The following UMODL1 variants were observed in gnomAD, a reference collection of about 807,000 sequenced individuals.
The protein encoded by UMODL1 is uromodulin-like 1.
A neutral mutation model predicts 136.3 loss-of-function variants in UMODL1; 128 were observed. The observed-to-expected ratio is 0.94, with a 90% confidence interval of 0.81 to 1.09. UMODL1 has a LOEUF of 1.09. Among genes scored for constraint, UMODL1 ranks in the 50% least tolerant of loss-of-function variants. The pLI, the probability that UMODL1 is intolerant of heterozygous loss-of-function variation, is 0.00. For synonymous variants in UMODL1, 721 were observed against 720.0 expected (o/e 1.00, Z -0.02); for missense variants, 1,766 against 1,725.6 (o/e 1.02, Z -0.41).
chr21:42,107,652 G>A (rs1054032389), intron 9 of UMODL1, among the ~76,000 whole-genome samples: 1 of 152,166 alleles, frequency 6.6e-6, no homozygotes, highest in African/African-American at 2.4e-5. Flanking sequence ...TCTGACACAC[G>A]CCCCCAGGAG....
chr21:42,119,389 C>T (rs2066941293), intron 15 of UMODL1, 65 bp downstream of exon 15: 1 of 1,474,580 alleles, frequency 6.8e-7, no homozygotes, highest in Non-Finnish European at 9.4e-7. Flanking sequence ...AGGGCAGCCA[C>T]CACCCTTCGC....
rs746876255 is a variant in UMODL1, at chr21:42,123,728, ATGTGCATG to A, written c.3147+592_3147+599del. Among the ~76,000 whole-genome samples, 27 of 151,238 alleles carry A rather than the reference ATGTGCATG, an allele frequency of 1.8e-4. No individual in the cohort carries two copies. Among genetic ancestry groups the A allele is most frequent in the East Asian group, 5.8e-4 (3 of 5,140 alleles). On this transcript the variant is annotated intron_variant, in intron 17 of 22. Coordinates refer to ENST00000408910, the MANE Select transcript of UMODL1 (RefSeq NM_001004416.3). This position sits in a 1 kb window ranked among gnomAD's most constrained non-coding sequence, Gnocchi z 4.4. The stretch of plus-strand genomic sequence containing the variant: ...AGTGTGTGAATGTGAGAATGTGTCT[ATGTGCATG>A]TGTGCATGTGTGCGTGAGTTGAGCA...
intron 6 of UMODL1, among the ~76,000 whole-genome samples, chr21:42,091,917 A>G (rs900821113): frequency 2.6e-5 from 4 of 152,142 alleles, no homozygotes; most frequent in Non-Finnish European, 5.9e-5. Flanking sequence ...TGGCCAGAGA[A>G]CCCCAACAGT....
chr21:42,118,549 C>T (rs1224590517), intron 14 of UMODL1, among the ~76,000 whole-genome samples: 1 of 152,150 alleles, frequency 6.6e-6, no homozygotes, highest in Non-Finnish European at 1.5e-5. Flanking sequence ...GAAAGCAGGG[C>T]GTTCGGGGGC....
chr21:42,070,277 A>G (rs1391402169), upstream of UMODL1, among the ~76,000 whole-genome samples: 1 of 152,262 alleles, frequency 6.6e-6, no homozygotes, highest in Non-Finnish European at 1.5e-5. Flanking sequence ...TAAAATCAAC[A>G]AGATCTTCTT....
Position 42,126,371 on chromosome 21 carries a change from C to A in UMODL1, c.3174C>A (p.Thr1058=). 2 of 1,614,168 alleles carry A rather than the reference C, an allele frequency of 1.2e-6. No homozygotes were observed. The highest frequency in any genetic ancestry group is 1.7e-6 in the Non-Finnish European group (2 of 1,180,030). Residue 1058 remains threonine (T), a synonymous_variant, in exon 18 of 23, where the codon ACC becomes ACA. Coordinates refer to ENST00000408910, the MANE Select transcript of UMODL1 (RefSeq NM_001004416.3). ...QSNMTNTVVR[T]TLRNDLSQEG... The stretch of plus-strand genomic sequence containing the variant: ...ACATGACGAACACCGTGGTGAGGAC[C>A]ACGCTGAGGAACGACCTGTCCCAGG...
At chr21:42,105,266 G>A (rs558546140) in intron 9 of UMODL1, among the ~76,000 whole-genome samples, 1 of 152,302 alleles carries the variant, frequency 6.6e-6, no homozygotes, top group Non-Finnish European at 1.5e-5. Flanking sequence ...CACAGGGTAT[G>A]CCCCCAGCAG....
At chr21:42,092,712 G>A (rs1005522305) in intron 6 of UMODL1, among the ~76,000 whole-genome samples, 9 of 152,234 alleles carry the variant, frequency 5.9e-5, no homozygotes, top group African/African-American at 1.9e-4. Context: ...TCAACATTGA[G>A]GACCATCCCT....
Position 42,099,201 on chromosome 21 carries a change from C to T in UMODL1, c.1186+21C>T. 4 of 1,604,568 alleles carry T rather than the reference C, an allele frequency of 2.5e-6. No homozygotes were observed. Among genetic ancestry groups the T allele is most frequent in the South Asian group, 1.1e-5 (1 of 90,744 alleles). ...AACCAGTAAGGCCCCCAGTCAGAGACCCACGTTAGCTTGCGAGCTTGTCTT... is the reference window on the plus strand; with the variant it reads ...AACCAGTAAGGCCCCCAGTCAGAGATCCACGTTAGCTTGCGAGCTTGTCTT... On this transcript the variant is annotated intron_variant, in intron 7 of 22. Coordinates refer to ENST00000408910, the MANE Select transcript of UMODL1 (RefSeq NM_001004416.3). This position sits in a 1 kb window ranked among gnomAD's most constrained non-coding sequence, Gnocchi z 4.1.
intron 21 of UMODL1, among the ~76,000 whole-genome samples, chr21:42,133,850 C>A (rs113371436): frequency 0.062 from 9,444 of 152,282 alleles, 411 homozygotes; most frequent in Middle Eastern, 0.1. Flanking sequence ...TAAGGCCATG[C>A]CCCACAGTAC....
rs558537929 is a variant in UMODL1, at chr21:42,105,760, G to A, written c.1519+1673G>A. Among the ~76,000 whole-genome samples, 17 of 152,310 alleles carry A rather than the reference G, an allele frequency of 1.1e-4. No homozygotes were observed. In the South Asian group the frequency reaches 3.3e-3, roughly 30 times the overall value. On this transcript the variant is annotated intron_variant, in intron 9 of 22. Coordinates refer to ENST00000408910, the MANE Select transcript of UMODL1 (RefSeq NM_001004416.3). ...TTTCCTAGAGCCCCAGAGGGAGGGC[G>A]GCCCTGCTGACACCTGGAGTTTGGA... is the stretch of plus-strand genomic sequence containing the variant.
At position 42,123,292 on chromosome 21, in the gene UMODL1, T is replaced by A; in HGVS notation, c.3147+142T>A. The A allele has an allele frequency of 3.0e-6, 3 of 992,886 alleles. No homozygotes were observed. Among genetic ancestry groups the A allele is most frequent in the Non-Finnish European group, 4.3e-6 (3 of 696,202 alleles). The allele number at this position is 992,886 out of a possible 1,614,324, so 61.5% of individuals were successfully genotyped here. A position where few individuals can be genotyped will look rare whatever the true frequency, so the allele number is the denominator to read the frequency against. The stretch of plus-strand genomic sequence containing the variant: ...AGGGGGGTTCAGGACAGGGTTGAGT[T>A]CTCAACCAGGGACCAGCCTGCACCC... On this transcript the variant is annotated intron_variant, in intron 17 of 22. Transcript: ENST00000408910. The surrounding 1 kb of genome is among the most constrained non-coding windows in gnomAD (Gnocchi z 4.4).
At chr21:42,117,245 T>C (rs536139439) in intron 14 of UMODL1, among the ~76,000 whole-genome samples, 2 of 152,364 alleles carry the variant, frequency 1.3e-5, no homozygotes, top group African/African-American at 4.8e-5. Context: ...AATGAGGTTT[T>C]CTGGTTTCAT....
chr21:42,108,968 A>AAGTTCATGT (rs2066771422), intron 9 of UMODL1, among the ~76,000 whole-genome samples: 6 of 83,126 alleles, frequency 7.2e-5, no homozygotes, highest in Admixed American at 1.6e-4. Context: ...CACTCCTGGC[A>AAGTTCATGT]TGTAAAGCTG....
chr21:42,070,758 G>A (rs1601166913), upstream of UMODL1, among the ~76,000 whole-genome samples: 6 of 152,364 alleles, frequency 3.9e-5, 1 homozygote, highest in South Asian at 1.2e-3. Flanking sequence ...TGTGACCACA[G>A]CTTCGTGCTC....
At position 42,076,002 on chromosome 21, in the gene UMODL1, C is replaced by T. The variant is rs73905532; in HGVS notation, c.77-3C>T. On this transcript the variant is annotated splice_region_variant and splice_polypyrimidine_tract_variant and intron_variant, in intron 1 of 22. Transcript: ENST00000408910. Reference sequence around the variant, plus strand: ...AGTCGCCTTCTTGCTTGGCCTCTTTCAGAAAAAGGCCTCTCCCTGTTGGGC... The same window carrying T: ...AGTCGCCTTCTTGCTTGGCCTCTTTTAGAAAAAGGCCTCTCCCTGTTGGGC... 12,725 of 1,612,588 alleles carry T rather than the reference C, an allele frequency of 7.9e-3. 900 individuals are homozygous for T. In the African/African-American group the frequency reaches 0.15, roughly 19 times the overall value.
intron 11 of UMODL1, 52 bp from the exon 12 acceptor site, chr21:42,111,454 C>A (rs1195972635): frequency 6.2e-7 from 1 of 1,613,896 alleles, no homozygotes; most frequent in Non-Finnish European, 8.5e-7. Flanking sequence ...CTGGGTCAAC[C>A]CACAGCTTCC....
Position 42,127,838 on chromosome 21 carries a change from G to T in UMODL1, c.3690+7G>T. The stretch of plus-strand genomic sequence containing the variant: ...CGGAGCCACGTGCAAAATCGTAAGT[G>T]TTTTTTGGTTTTCTAAACGTTTGGT... On this transcript the variant is annotated splice_region_variant and intron_variant, in intron 20 of 22. Coordinates refer to ENST00000408910, the MANE Select transcript of UMODL1 (RefSeq NM_001004416.3). The T allele has an allele frequency of 6.2e-7, 1 of 1,610,182 alleles. No individual in the cohort carries two copies. The highest frequency in any genetic ancestry group is 8.5e-7 in the Non-Finnish European group (1 of 1,178,410).
intron 2 of UMODL1, among the ~76,000 whole-genome samples, chr21:42,080,694 C>T (rs758117353): frequency 3.9e-5 from 6 of 152,174 alleles, no homozygotes; most frequent in Non-Finnish European, 5.9e-5. Flanking sequence ...GAGGAGGAAA[C>T]GATCCCAAGC....
Sources: gnomAD v4.1 joint callset for allele counts (sites outside exome capture counted in the v4.1 genomes callset) on GRCh38, gnomAD v4.1.1 for gene constraint, Gnocchi (gnomAD v3.1) non-coding constraint, MANE v1.5 for transcripts, NCBI Gene and HGNC (gene_info 2026-07-23, HGNC 2026-07-21) for gene names.